The following MIPOL1 variants were observed in gnomAD, a reference collection of about 807,000 sequenced individuals.
MIPOL1 encodes the protein mirror-image polydactyly gene 1 protein.
MIPOL1 carries 57 observed loss-of-function variants against 60.9 expected under a neutral mutation model. The observed-to-expected ratio is 0.94, with a 90% confidence interval of 0.76 to 1.17. The LOEUF (loss-of-function observed/expected upper bound fraction) is 1.17. Ranked by LOEUF, MIPOL1 falls within the 50% of genes most tolerant of loss-of-function variation. MIPOL1 has a pLI of 0.00. For missense variants in MIPOL1, 551 were observed against 511.6 expected, an observed-to-expected ratio of 1.08 and a Z score of -0.74; for synonymous variants, 179 against 168.8, an observed-to-expected ratio of 1.06 and a Z score of -0.47.
chr14:37,248,039 G>C, intron 3 of MIPOL1, 132 bp downstream of exon 3: 1 of 737,570 alleles, frequency 1.4e-6, no homozygotes, highest in Non-Finnish European at 2.2e-6. Context: ...CACAAAACAT[G>C]CACACAGAGA....
chr14:37,395,924 G>A (rs2093363412), intron 10 of MIPOL1, among the ~76,000 whole-genome samples: 1 of 152,102 alleles, frequency 6.6e-6, no homozygotes, highest in Non-Finnish European at 1.5e-5. Context: ...TGAGTCTCCT[G>A]AAGGCAGCAG....
chr14:37,321,204 A>T (rs186368910), intron 9 of MIPOL1, among the ~76,000 whole-genome samples: 1 of 152,012 alleles, frequency 6.6e-6, no homozygotes, highest in Admixed American at 6.6e-5. Flanking sequence ...TGATCTTTTC[A>T]TGAAAATGAT....
In MIPOL1 at chr14:37,366,599, C is replaced by T. The variant is rs532452198; in HGVS notation, c.829-2918C>T. Among the ~76,000 whole-genome samples, 7 of 152,026 alleles carry T rather than the reference C, an allele frequency of 4.6e-5. No homozygotes were observed. The East Asian group carries it at 1.4e-3, about 29-fold the overall frequency. ...TCTACCCATGAGAATGATCCTTGTGCTGAGGAAAAGAATGTGCATTCTGCG... is the reference window on the plus strand; with the variant it reads ...TCTACCCATGAGAATGATCCTTGTGTTGAGGAAAAGAATGTGCATTCTGCG... On this transcript the variant is annotated intron_variant, in intron 9 of 12. Transcript: ENST00000684589.
chr14:37,506,716 G>A (rs999641958), intron 12 of MIPOL1: 11 of 152,116 alleles, frequency 7.2e-5, no homozygotes, highest in African/African-American at 2.7e-4. Flanking sequence ...AACACCAAAA[G>A]CAATGGCAAC....
chr14:37,270,050 A>G lies in MIPOL1; in HGVS notation c.388-370A>G, dbSNP rs60243444. On this transcript the variant is annotated intron_variant, in intron 5 of 12. Coordinates refer to ENST00000684589, the MANE Select transcript of MIPOL1 (RefSeq NM_001388067.1). ...CATCATGTTGGCCAGGCTGGTCTCA[A>G]ACTCCTGACCTCAGGTGATCTGCCC... 1.0e-2 allele frequency among the ~76,000 whole-genome samples: 1,517 copies of G among 152,176 alleles called. 21 individuals are homozygous for G. Among genetic ancestry groups the G allele is most frequent in the African/African-American group, 0.035 (1,449 of 41,514 alleles).
chr14:37,376,530 T>TC (rs1485994581), intron 10 of MIPOL1, among the ~76,000 whole-genome samples: 2 of 152,042 alleles, frequency 1.3e-5, no homozygotes, highest in East Asian at 3.9e-4. Flanking sequence ...AGGGCTTTTT[T>TC]CTCTCTTGCT....
chr14:37,359,705 T>C (rs893959461), intron 9 of MIPOL1, among the ~76,000 whole-genome samples: 1 of 152,226 alleles, frequency 6.6e-6, no homozygotes, highest in East Asian at 1.9e-4. Flanking sequence ...CTAATTTGCT[T>C]ATCAACTTAA....
intron 1 of MIPOL1, among the ~76,000 whole-genome samples, chr14:37,208,755 G>A (rs929718625): frequency 2.0e-5 from 3 of 152,134 alleles, no homozygotes; most frequent in African/African-American, 7.2e-5. Context: ...CACCATGCCC[G>A]GCTAATTTTT....
At chr14:37,406,487 G>A (rs1351792010) in intron 10 of MIPOL1, among the ~76,000 whole-genome samples, 1 of 152,078 alleles carries the variant, frequency 6.6e-6, no homozygotes, top group African/African-American at 2.4e-5. Context: ...GTAAAGGAGG[G>A]AAATAGTGTC....
chr14:37,374,678 C>A (rs937847329), intron 10 of MIPOL1, among the ~76,000 whole-genome samples: 2 of 152,098 alleles, frequency 1.3e-5, no homozygotes, highest in Non-Finnish European at 2.9e-5. Flanking sequence ...CCAGTTTTCT[C>A]AAAGACCAAA....
At chr14:37,233,115 A>G (rs552841117) in intron 1 of MIPOL1, among the ~76,000 whole-genome samples, 2 of 152,300 alleles carry the variant, frequency 1.3e-5, no homozygotes, top group South Asian at 4.1e-4. Context: ...TAACACGTGT[A>G]TTTTATTGTG....
At chr14:37,333,220 A>G (rs1418122741) in intron 9 of MIPOL1, among the ~76,000 whole-genome samples, 1 of 152,150 alleles carries the variant, frequency 6.6e-6, no homozygotes, top group Non-Finnish European at 1.5e-5. Context: ...AGAAATTTGT[A>G]TACATTTTAT....
intron 9 of MIPOL1, among the ~76,000 whole-genome samples, chr14:37,316,009 T>TC (rs1314233584): frequency 7.3e-6 from 1 of 136,716 alleles, no homozygotes; most frequent in East Asian, 2.3e-4. Context: ...GGAAATTGTT[T>TC]CTGTTTATTT....
At chr14:37,432,728 C>T (rs1354961688) in intron 11 of MIPOL1, among the ~76,000 whole-genome samples, 1 of 151,748 alleles carries the variant, frequency 6.6e-6, no homozygotes, top group Non-Finnish European at 1.5e-5. Flanking sequence ...GTATCATTAT[C>T]CACTGTTCAT....
chr14:37,351,871 C>G (rs1445292982), intron 9 of MIPOL1, among the ~76,000 whole-genome samples: 1 of 151,010 alleles, frequency 6.6e-6, no homozygotes, highest in Non-Finnish European at 1.5e-5. Flanking sequence ...CCTGTTCACT[C>G]TGATGGTAGT....
chr14:37,430,630 G>T (rs149285105), intron 11 of MIPOL1, among the ~76,000 whole-genome samples: 2 of 151,612 alleles, frequency 1.3e-5, no homozygotes, highest in Non-Finnish European at 2.9e-5. Context: ...TCTGAATGTC[G>T]ATTGCCTCAC....
chr14:37,417,128 G>A (rs949858286), intron 10 of MIPOL1, among the ~76,000 whole-genome samples: 1 of 152,052 alleles, frequency 6.6e-6, no homozygotes, highest in African/African-American at 2.4e-5. Flanking sequence ...AAGGCAGGGT[G>A]GGACCCCAGC....
chr14:37,341,958 A>G (rs1440865653), intron 9 of MIPOL1, among the ~76,000 whole-genome samples: 4 of 152,236 alleles, frequency 2.6e-5, no homozygotes, highest in African/African-American at 9.6e-5. Flanking sequence ...TGGTATAATA[A>G]TATCTAACTC....
chr14:37,487,026 T>C (rs909893854), intron 11 of MIPOL1, among the ~76,000 whole-genome samples: 1 of 152,104 alleles, frequency 6.6e-6, no homozygotes, highest in Non-Finnish European at 1.5e-5. Flanking sequence ...CCTAGTTTAT[T>C]GAGAGTTTTT....
Sources: allele counts gnomAD v4.1 joint callset (sites outside exome capture counted in the v4.1 genomes callset), GRCh38; gene constraint gnomAD v4.1.1; transcripts MANE v1.5; gene names NCBI Gene and HGNC (gene_info 2026-07-23, HGNC 2026-07-21).